Variants in EXOC3L4 observed in about 807,000 individuals in gnomAD.
The protein encoded by EXOC3L4 is exocyst complex component 3 like 4, also known as exocyst complex component 3-like protein 4.
In EXOC3L4, 62 loss-of-function variants were observed where a neutral mutation model predicts 69.7. The observed-to-expected ratio is 0.89, with a 90% CI of 0.72 to 1.10. The LOEUF (loss-of-function observed/expected upper bound fraction) is 1.10. EXOC3L4 is among the 50% of genes least tolerant of loss of function. The probability of loss-of-function intolerance (pLI) is 0.00; values close to 1 mark genes in which losing one functional copy is unlikely to be tolerated. For synonymous variants in EXOC3L4, 502 were observed against 464.2 expected (o/e 1.08, Z -1.05); for missense variants, 1,087 against 1,034.8 (o/e 1.05, Z -0.69).
At chr14:103,104,586 A>G in intron 5 of EXOC3L4, 152 bp from the exon 6 acceptor site, 1 of 1,229,170 alleles carries the variant, frequency 8.1e-7, no homozygotes, top group Non-Finnish European at 1.1e-6. Flanking sequence ...AGTTTGCGGG[A>G]GTTGACTCTC....
chr14:103,103,591 A>C (rs1158085384), intron 3 of EXOC3L4: 6 of 209,592 alleles, frequency 2.9e-5, no homozygotes, highest in Non-Finnish European at 5.7e-5. Context: ...ATTGCTCCTT[A>C]AATTGTGTGG....
At position 103,100,242 on chromosome 14, in the gene EXOC3L4, C is replaced by T. The variant is rs767931963; in HGVS notation, c.23C>T (p.Thr8Ile). 1.9e-5 allele frequency: 30 copies of T among 1,582,998 alleles called. No individual in the cohort carries two copies. Among genetic ancestry groups the T allele is most frequent in the Non-Finnish European group, 2.5e-5 (29 of 1,163,070 alleles). MPSPQTD[T>I]PGPELQSPKE... is the part of the protein sequence containing the mutation. ...AAGATGCCATCACCACAGACAGACA[C>T]TCCTGGGCCGGAGCTGCAGAGTCCC... Residue 8 changes from threonine (T) to isoleucine (I), a missense_variant, in exon 2 of 12, where the codon ACT becomes ATT. Thr to Ile is a moderately conservative substitution (Grantham distance 89, BLOSUM62 -1). Coordinates refer to ENST00000688303, the MANE Select transcript of EXOC3L4 (RefSeq NM_001077594.2).
At chr14:103,106,248 C>T (rs530412474) in intron 7 of EXOC3L4, among the ~76,000 whole-genome samples, 24 of 152,360 alleles carry the variant, frequency 1.6e-4, no homozygotes, top group African/African-American at 5.3e-4. Context: ...GGCACTGCTT[C>T]TCCAACACTC....
rs1890386117 is a variant in EXOC3L4, at chr14:103,104,067, G to A, written c.1161+15G>A. On this transcript the variant is annotated intron_variant, in intron 4 of 11. Coordinates refer to ENST00000688303, the MANE Select transcript of EXOC3L4 (RefSeq NM_001077594.2). ...GCTTCCTGGAGGTCAGGCCGGGCGGGTCAGGCTGGGCGGGCCAGGCTGGAG... is the reference window on the plus strand; with the variant it reads ...GCTTCCTGGAGGTCAGGCCGGGCGGATCAGGCTGGGCGGGCCAGGCTGGAG... 1.9e-6 allele frequency: 3 copies of A among 1,541,262 alleles called. No homozygotes were observed. The highest frequency in any genetic ancestry group is 1.7e-6 in the Non-Finnish European group (2 of 1,147,024).
Position 103,104,977 on chromosome 14 carries a change from T to TGTATCCC in EXOC3L4, c.1386-13_1386-7dup. ...CTAGGGAGGGTCCCCAAAGGCTCTG[T>TGTATCCC]GTATCCCGCCCCAGGTTTGAAAAGG... is the stretch of plus-strand genomic sequence containing the variant. On this transcript the variant is annotated splice_polypyrimidine_tract_variant and intron_variant, in intron 6 of 11. Coordinates refer to ENST00000688303, the MANE Select transcript of EXOC3L4 (RefSeq NM_001077594.2). The TGTATCCC allele has an allele frequency of 6.2e-7, 1 of 1,610,598 alleles. No individual in the cohort carries two copies. Among genetic ancestry groups the TGTATCCC allele is most frequent in the Non-Finnish European group, 8.5e-7 (1 of 1,177,550 alleles).
At position 103,110,305 on chromosome 14, in the gene EXOC3L4, C is replaced by A; in HGVS notation, c.*82C>A. 1 of 1,449,122 alleles carries A rather than the reference C, an allele frequency of 6.9e-7. No individual in the cohort carries two copies. The highest frequency in any genetic ancestry group is 9.3e-7 in the Non-Finnish European group (1 of 1,073,498). 89.8% of individuals were successfully genotyped at this position (1,449,122 alleles called of 1,614,324 possible). On this transcript the variant is annotated 3_prime_UTR_variant, in exon 12 of 12. Coordinates refer to ENST00000688303, the MANE Select transcript of EXOC3L4 (RefSeq NM_001077594.2). ...TCAGCCAGGAGCCCAGGGAGTCACT[C>A]TGGGCCCTGCCCCCAACTCTGACAC...
At chr14:103,107,299 AG>A in intron 8 of EXOC3L4, 124 bp from the exon 9 acceptor site, 1 of 1,416,874 alleles carries the variant, frequency 7.1e-7, no homozygotes, top group East Asian at 2.3e-5. Flanking sequence ...ACCTGTGGCT[AG>A]GAGAGGGAAT....
chr14:103,108,959 C>G (rs539453152), intron 11 of EXOC3L4, among the ~76,000 whole-genome samples: 1 of 152,098 alleles, frequency 6.6e-6, no homozygotes, highest in South Asian at 2.1e-4. Flanking sequence ...GTGGAGCTCA[C>G]AGAAAGCCCC....
At position 103,104,729 on chromosome 14, in the gene EXOC3L4, C is replaced by T; in HGVS notation, c.1285-9C>T. 2 of 1,492,496 alleles carry T rather than the reference C, an allele frequency of 1.3e-6. No homozygotes were observed. Among genetic ancestry groups the T allele is most frequent in the South Asian group, 1.3e-5 (1 of 79,012 alleles). 92.5% of individuals were successfully genotyped at this position (1,492,496 alleles called of 1,614,324 possible). A position where few individuals can be genotyped will look rare whatever the true frequency, so the allele number is the denominator to read the frequency against. On this transcript the variant is annotated splice_polypyrimidine_tract_variant and intron_variant, in intron 5 of 11. Coordinates refer to ENST00000688303, the MANE Select transcript of EXOC3L4 (RefSeq NM_001077594.2). ...GGGAGGCACGCTCAGTGCGGGGCTT[C>T]GCTCGCAGCTCGTGGCCGAGCACGT...
intron 2 of EXOC3L4, 139 bp downstream of exon 2, chr14:103,100,752 T>C (rs1890144042): frequency 8.5e-7 from 1 of 1,179,812 alleles, no homozygotes; most frequent in Admixed American, 2.9e-5. Context: ...TTTATTTATT[T>C]GAGACAGGGT....
chr14:103,107,673 C>T lies in EXOC3L4; in HGVS notation c.1744C>T (p.Leu582=). ...GCACCGGTTCGTGGTCCGCGAGTAC[C>T]TGGCGCGGGCGCTGAGGCCACGGGA... The part of the protein sequence containing the change: ...EVHRFVVREY[L]ARALRPRERF... The change falls in exon 10 of 12, where the codon CTG becomes TTG. Residue 582 remains leucine (L), a synonymous_variant. Coordinates refer to ENST00000688303, the MANE Select transcript of EXOC3L4 (RefSeq NM_001077594.2). The T allele has an allele frequency of 2.6e-6, 4 of 1,562,682 alleles. No homozygotes were observed. The highest frequency in any genetic ancestry group is 3.5e-6 in the Non-Finnish European group (4 of 1,152,828).
chr14:103,110,433 G>C lies in EXOC3L4; in HGVS notation c.*210G>C. ...CAGGCATCGTTGAGGGGAGTGTTTTGGGGCCGCAGAGCTCTCAATGCTGCC... is the reference window on the plus strand; with the variant it reads ...CAGGCATCGTTGAGGGGAGTGTTTTCGGGCCGCAGAGCTCTCAATGCTGCC... On this transcript the variant is annotated 3_prime_UTR_variant, in exon 12 of 12. Coordinates refer to ENST00000688303, the MANE Select transcript of EXOC3L4 (RefSeq NM_001077594.2). 1 of 704,644 alleles carries C rather than the reference G, an allele frequency of 1.4e-6. No individual in the cohort carries two copies. The highest frequency in any genetic ancestry group is 1.5e-5 in the South Asian group (1 of 66,898). The allele number at this position is 704,644 out of a possible 1,614,324, so 43.6% of individuals were successfully genotyped here. A position where few individuals can be genotyped will look rare whatever the true frequency, so the allele number is the denominator to read the frequency against.
In EXOC3L4 at chr14:103,102,518, C is replaced by T. The variant is rs2139482639; in HGVS notation, c.795C>T (p.Ala265=). The T allele has an allele frequency of 1.1e-5, 15 of 1,394,984 alleles. No homozygotes were observed. The highest frequency in any genetic ancestry group is 1.4e-5 in the Non-Finnish European group (15 of 1,079,338). 86.4% of individuals were successfully genotyped at this position (1,394,984 alleles called of 1,614,324 possible). ...ERVRRPGAGW[A]FGEAEGASGL... ...TGCGGCGGCCGGGCGCGGGGTGGGC[C>T]TTCGGGGAGGCGGAGGGCGCGTCGG... is the stretch of plus-strand genomic sequence containing the variant. The change falls in exon 3 of 12, where the codon GCC becomes GCT. Residue 265 remains alanine, a synonymous_variant. Transcript: ENST00000688303.
At chr14:103,109,835 A>G (rs927904185) in intron 11 of EXOC3L4, among the ~76,000 whole-genome samples, 196 bp from the exon 12 acceptor site, 3 of 149,070 alleles carry the variant, frequency 2.0e-5, no homozygotes, top group Non-Finnish European at 3.0e-5. Flanking sequence ...AAGCCCAGCT[A>G]TGGTGTCCCC....
chr14:103,108,340 G>A lies in EXOC3L4; in HGVS notation c.1855-56G>A. ...GCACTGACCTCGCGCTCTTGCAGGA[G>A]TTGGAGCAGCGGTGGGGAGAGGGCT... On this transcript the variant is annotated intron_variant, in intron 10 of 11. Coordinates refer to ENST00000688303, the MANE Select transcript of EXOC3L4 (RefSeq NM_001077594.2). The A allele has an allele frequency of 2.5e-6, 4 of 1,595,568 alleles. No individual in the cohort carries two copies. The South Asian group carries it at 4.5e-5, about 18-fold the overall frequency.
Position 103,110,478 on chromosome 14 carries a change from T to C in EXOC3L4, c.*255T>C, listed in dbSNP as rs1343070685. On this transcript the variant is annotated 3_prime_UTR_variant, in exon 12 of 12. Transcript: ENST00000688303. ...GCTGCCTATCGGGCGGGGGGGGGCC[T>C]CCCGCCCGACTGTCCAGCTTCACCC... 4 of 611,700 alleles carry C rather than the reference T, an allele frequency of 6.5e-6. No individual in the cohort carries two copies. The highest frequency in any genetic ancestry group is 2.5e-5 in the Admixed American group (1 of 40,532). The allele number at this position is 611,700 out of a possible 1,614,324, so 37.9% of individuals were successfully genotyped here. A position where few individuals can be genotyped will look rare whatever the true frequency, so the allele number is the denominator to read the frequency against.
At chr14:103,098,795 G>A (rs112626168) in intron 1 of EXOC3L4, 2,643 of 152,338 alleles carry the variant, frequency 0.017, 43 homozygotes, top group Middle Eastern at 0.024. Context: ...GAACCCTGGC[G>A]CTGGGGGAAG....
chr14:103,096,190 C>T (rs1312286663), intron 1 of EXOC3L4, among the ~76,000 whole-genome samples: 1 of 150,932 alleles, frequency 6.6e-6, no homozygotes, highest in Admixed American at 6.6e-5. Context: ...CCTGTCTCTA[C>T]AAAAAATATA....
rs1890704465 is a variant in EXOC3L4, at chr14:103,108,417, G to A, written c.1876G>A (p.Asp626Asn). The change falls in exon 11 of 12, where the codon GAC becomes AAC. Residue 626 changes from aspartate to asparagine, a missense_variant. Coordinates refer to ENST00000688303, the MANE Select transcript of EXOC3L4 (RefSeq NM_001077594.2). ...QGLGSEATWL[D>N]QAIQCVAEIL... Reference sequence around the variant, plus strand: ...GCAGGGTTCCGAGGCCACATGGTTGGACCAAGCCATCCAGTGCGTGGCTGA... The same window carrying A: ...GCAGGGTTCCGAGGCCACATGGTTGAACCAAGCCATCCAGTGCGTGGCTGA... The A allele has an allele frequency of 6.2e-7, 1 of 1,613,882 alleles. No individual in the cohort carries two copies. The highest frequency in any genetic ancestry group is 8.5e-7 in the Non-Finnish European group (1 of 1,179,840).
Sources: gnomAD v4.1 joint callset for allele counts (sites outside exome capture counted in the v4.1 genomes callset) on GRCh38, gnomAD v4.1.1 for gene constraint, MANE v1.5 for transcripts, NCBI Gene and HGNC (gene_info 2026-07-23, HGNC 2026-07-21) for gene names.